The following AOAH variants were observed in gnomAD, a reference collection of about 807,000 sequenced individuals.
AOAH encodes the protein acyloxyacyl hydrolase.
A neutral mutation model predicts 92.2 loss-of-function variants in AOAH; 64 were observed. The ratio of observed to expected loss-of-function variants is 0.69; its 90% CI spans 0.57 to 0.86. The LOEUF is 0.86. AOAH is among the 40% of genes least tolerant of loss of function. The pLI is 0.00. For synonymous variants in AOAH, 263 were observed against 254.5 expected, an observed-to-expected ratio of 1.03 and a Z score of -0.32; for missense variants, 656 against 694.6, an observed-to-expected ratio of 0.94 and a Z score of 0.62.
chr7:36,521,902 C>T, intron 20 of AOAH, 137 bp downstream of exon 20: 1 of 675,892 alleles, frequency 1.5e-6, no homozygotes, highest in Non-Finnish European at 2.6e-6. Context: ...ATCTTCTATC[C>T]TATACATGTA....
intron 3 of AOAH, among the ~76,000 whole-genome samples, chr7:36,660,251 C>A (rs577927895): frequency 1.6e-4 from 24 of 152,206 alleles, no homozygotes; most frequent in African/African-American, 5.1e-4. Flanking sequence ...TTCACACGGA[C>A]GTGCTTGACA....
chr7:36,637,232 C>T (rs559540738), intron 5 of AOAH, among the ~76,000 whole-genome samples: 1 of 152,284 alleles, frequency 6.6e-6, no homozygotes, highest in South Asian at 2.1e-4. Context: ...TCACATTTAT[C>T]GAGGACTTGG....
chr7:36,592,060 A>G (rs1322353261), intron 12 of AOAH, among the ~76,000 whole-genome samples: 1 of 152,190 alleles, frequency 6.6e-6, no homozygotes, highest in Non-Finnish European at 1.5e-5. Context: ...TCAATATGTA[A>G]AAATTTAAGC....
chr7:36,620,035 T>C (rs1792167867), intron 9 of AOAH, among the ~76,000 whole-genome samples: 1 of 152,066 alleles, frequency 6.6e-6, no homozygotes, highest in Admixed American at 6.5e-5. Context: ...CATGTTTCCA[T>C]GTAAACAGTT....
chr7:36,520,715 A>G (rs1324124825), intron 20 of AOAH, among the ~76,000 whole-genome samples: 1 of 152,050 alleles, frequency 6.6e-6, no homozygotes, highest in African/African-American at 2.4e-5. Context: ...CGAGAAAAAA[A>G]AAAAAAAAAA....
chr7:36,605,108 C>T (rs1266977990), intron 11 of AOAH, among the ~76,000 whole-genome samples: 3 of 152,066 alleles, frequency 2.0e-5, no homozygotes, highest in Admixed American at 6.5e-5. Context: ...CAACCATTTC[C>T]TTGAGTGGAA....
Position 36,659,270 on chromosome 7 carries a change from A to AG in AOAH, c.291-6dup. 6.2e-7 allele frequency: 1 copy of AG among 1,612,350 alleles called. No individual in the cohort carries two copies. The highest frequency in any genetic ancestry group is 8.5e-7 in the Non-Finnish European group (1 of 1,178,398). On this transcript the variant is annotated splice_polypyrimidine_tract_variant and splice_region_variant and intron_variant, in intron 3 of 20. Transcript: ENST00000617537. ...GCATTCATATCTGCGCTAAGCCTGGAGGGAAACGGTGCAAAACAAAGGCTA... is the reference window on the plus strand; with the variant it reads ...GCATTCATATCTGCGCTAAGCCTGGAGGGGAAACGGTGCAAAACAAAGGCTA...
In AOAH at chr7:36,616,409, C is replaced by T. The variant is rs1279431077; in HGVS notation, c.817G>A (p.Glu273Lys). 6.2e-7 allele frequency: 1 copy of T among 1,613,944 alleles called. No homozygotes were observed. The highest frequency in any genetic ancestry group is 8.5e-7 in the Non-Finnish European group (1 of 1,179,932). The change falls in exon 11 of 21, where the codon GAA (glutamate) becomes AAA (lysine). Residue 273 changes from glutamate to lysine, a missense_variant. Physicochemically the swap from Glu to Lys is moderately conservative, Grantham distance 56. Coordinates refer to ENST00000617537, the MANE Select transcript of AOAH (RefSeq NM_001637.4). ...GACATCTGCGACGCTGTGATCCATT[C>T]AGGAGAGATGTGAAAATGAGCCCCA... ...SAGAHFHISP[E>K]WITASQMSLN...
intron 12 of AOAH, among the ~76,000 whole-genome samples, chr7:36,591,036 GCTGCCTCTGTTTCT>G (rs1306776738): frequency 6.6e-6 from 1 of 152,214 alleles, no homozygotes; most frequent in Non-Finnish European, 1.5e-5. Flanking sequence ...GCAGTGTCAT[GCTGCCTCTGTTTCT>G]GCTTAATGGG....
intron 1 of AOAH, among the ~76,000 whole-genome samples, chr7:36,696,698 A>T (rs1333492509): frequency 2.0e-5 from 3 of 151,950 alleles, no homozygotes; most frequent in Admixed American, 6.6e-5. Flanking sequence ...CGTCTCTACT[A>T]AAAAAACAAA....
intron 3 of AOAH, among the ~76,000 whole-genome samples, chr7:36,664,499 G>A (rs189102651): frequency 1.3e-5 from 2 of 152,060 alleles, no homozygotes; most frequent in African/African-American, 4.8e-5. Context: ...CCAATACCCT[G>A]CTGTCTTGAT....
chr7:36,582,588 C>G (rs1032542927), intron 12 of AOAH, among the ~76,000 whole-genome samples: 26 of 152,304 alleles, frequency 1.7e-4, no homozygotes, highest in Non-Finnish European at 2.6e-4. Flanking sequence ...TGCCTTCCCC[C>G]ACTGCATTTC....
intron 3 of AOAH, among the ~76,000 whole-genome samples, chr7:36,660,391 C>T (rs1417440333): frequency 2.0e-5 from 3 of 152,232 alleles, no homozygotes; most frequent in South Asian, 2.1e-4. Context: ...TCTCTGCTAA[C>T]TGCAACCTCC....
intron 13 of AOAH, among the ~76,000 whole-genome samples, chr7:36,559,465 T>C (rs769902313): frequency 3.9e-5 from 6 of 152,228 alleles, no homozygotes; most frequent in Non-Finnish European, 7.3e-5. Flanking sequence ...TGGTATTTCA[T>C]TGTGGTTTTG....
At chr7:36,716,074 C>T (rs1366957222) in intron 1 of AOAH, among the ~76,000 whole-genome samples, 1 of 152,172 alleles carries the variant, frequency 6.6e-6, no homozygotes, top group African/African-American at 2.4e-5. Context: ...GCAACCTACT[C>T]ATCTGACAAA....
At chr7:36,583,555 C>G (rs1049723680) in intron 12 of AOAH, among the ~76,000 whole-genome samples, 1 of 152,144 alleles carries the variant, frequency 6.6e-6, no homozygotes, top group African/African-American at 2.4e-5. Context: ...ACCGTGGACT[C>G]AGAGAGACTG....
rs371198060 is a variant in AOAH at position 36,595,489 on chromosome 7, C to T, written c.847-1059G>A. On this transcript the variant is annotated intron_variant, in intron 11 of 20. Transcript: ENST00000617537. ...TCAAGGCTGCAGTGAGCCATGATCA[C>T]ACCCCACTGTACTCCATCCTGGGCA... is the stretch of plus-strand genomic sequence containing the variant. Among the ~76,000 whole-genome samples, 35 of 152,326 alleles carry T rather than the reference C, an allele frequency of 2.3e-4. 1 individual carries two copies. In the East Asian group the frequency reaches 3.1e-3, roughly 13 times the overall value.
At chr7:36,673,329 A>G (rs1308031008) in intron 3 of AOAH, among the ~76,000 whole-genome samples, 1 of 152,112 alleles carries the variant, frequency 6.6e-6, no homozygotes, top group Non-Finnish European at 1.5e-5. Flanking sequence ...CATGAGGTCA[A>G]GAGTTTGAGA....
Position 36,656,433 on chromosome 7 carries a change from G to A in AOAH, c.390+2733C>T, listed in dbSNP as rs1378696387. 5.3e-5 allele frequency among the ~76,000 whole-genome samples: 8 copies of A among 152,240 alleles called. No homozygotes were observed. In the South Asian group the frequency reaches 8.3e-4, roughly 16 times the overall value. On this transcript the variant is annotated intron_variant, in intron 4 of 20. Coordinates refer to ENST00000617537, the MANE Select transcript of AOAH (RefSeq NM_001637.4). ...TTCTGGAGGGCTGAACATTATCTACGTCTGCATTTGTGTCTTCACCCGCCC... is the reference window on the plus strand; with the variant it reads ...TTCTGGAGGGCTGAACATTATCTACATCTGCATTTGTGTCTTCACCCGCCC...
Sources: gnomAD v4.1 joint callset for allele counts (sites outside exome capture counted in the v4.1 genomes callset) on GRCh38, gnomAD v4.1.1 for gene constraint, MANE v1.5 for transcripts, NCBI Gene and HGNC (gene_info 2026-07-23, HGNC 2026-07-21) for gene names.